The following SRGAP2B variants were observed in gnomAD, a reference collection of about 807,000 sequenced individuals.
The protein encoded by SRGAP2B is SLIT-ROBO Rho GTPase activating protein 2B.
In SRGAP2B, 9 loss-of-function variants were observed where a neutral mutation model predicts 22.2. That is an observed-to-expected ratio of 0.41 (90% CI 0.24 to 0.71). The LOEUF (loss-of-function observed/expected upper bound fraction) is 0.71. SRGAP2B is among the 30% of genes least tolerant of loss of function. The pLI is 0.35. For missense variants in SRGAP2B, 114 were observed against 235.8 expected (o/e 0.48, Z 3.38); for synonymous variants, 36 against 87.4 (o/e 0.41, Z 3.28).
intron 5 of SRGAP2B, among the ~76,000 whole-genome samples, chr1:144,910,140 TAC>T (rs1663312645): frequency 7.0e-6 from 1 of 142,680 alleles, no homozygotes; most frequent in Non-Finnish European, 1.5e-5. Context: ...AATAAAACGA[TAC>T]TGCATCATGA....
intron 2 of SRGAP2B, among the ~76,000 whole-genome samples, chr1:144,997,395 C>G (rs1470789222): frequency 6.6e-6 from 1 of 150,716 alleles, no homozygotes; most frequent in Non-Finnish European, 1.5e-5. Flanking sequence ...CGCACCACTG[C>G]ACTCCAGCCT....
chr1:144,975,832 A>C (rs1406362049), intron 3 of SRGAP2B, among the ~76,000 whole-genome samples: 1 of 142,484 alleles, frequency 7.0e-6, no homozygotes, highest in Non-Finnish European at 1.5e-5. Context: ...AAATCTAGTC[A>C]GTAGTCTTCT....
At chr1:144,931,735 T>TG (rs1378586575) in intron 4 of SRGAP2B, among the ~76,000 whole-genome samples, 1 of 147,416 alleles carries the variant, frequency 6.8e-6, no homozygotes, top group Non-Finnish European at 1.5e-5. Flanking sequence ...ACAGTGCAGA[T>TG]GGAACTCAGC....
At chr1:144,920,510 C>G (rs587766916) in intron 4 of SRGAP2B, among the ~76,000 whole-genome samples, 1 of 150,014 alleles carries the variant, frequency 6.7e-6, no homozygotes, top group African/African-American at 2.5e-5. Context: ...TGGCTTCAAA[C>G]AATCCTCCTG....
intron 2 of SRGAP2B, among the ~76,000 whole-genome samples, chr1:144,997,505 T>A (rs1344640844): frequency 6.7e-6 from 1 of 149,706 alleles, no homozygotes; most frequent in Non-Finnish European, 1.5e-5. Flanking sequence ...CAGTAACAGA[T>A]GTACAGGGGA....
chr1:144,976,265 G>A (rs1387239112), intron 3 of SRGAP2B, among the ~76,000 whole-genome samples: 1 of 145,956 alleles, frequency 6.9e-6, no homozygotes, highest in Non-Finnish European at 1.5e-5. Context: ...ATAGGAACCA[G>A]GTTTCTCACT....
chr1:144,953,653 G>A (rs1490111653), intron 4 of SRGAP2B, among the ~76,000 whole-genome samples: 1 of 151,644 alleles, frequency 6.6e-6, no homozygotes, highest in Non-Finnish European at 1.5e-5. Context: ...ATATGCATAG[G>A]GCACTTGAAG....
intron 5 of SRGAP2B, among the ~76,000 whole-genome samples, chr1:144,911,776 C>T (rs1214472348): frequency 1.4e-5 from 2 of 146,830 alleles, no homozygotes; most frequent in Non-Finnish European, 3.0e-5. Context: ...CACCACCATG[C>T]CCGGCTAGTT....
At position 145,090,333 on chromosome 1, in the gene SRGAP2B, C is replaced by CA. The variant is rs1324158055; in HGVS notation, c.67+2501dup. On this transcript the variant is annotated intron_variant, in intron 2 of 9. Transcript: ENST00000612199. ...ACAGCTGTATGGCCAATCGCCAGAACACACAGCAAGCACTCAATAAATAGT... is the reference window on the plus strand; with the variant it reads ...ACAGCTGTATGGCCAATCGCCAGAACAACACAGCAAGCACTCAATAAATAGT... 1.4e-5 allele frequency among the ~76,000 whole-genome samples: 2 copies of CA among 145,662 alleles called. 1 individual carries two copies. The highest frequency in any genetic ancestry group is 3.0e-5 in the Non-Finnish European group (2 of 66,946).
chr1:144,947,645 A>G (rs2101900743), intron 4 of SRGAP2B, among the ~76,000 whole-genome samples: 1 of 133,924 alleles, frequency 7.5e-6, no homozygotes, highest in Non-Finnish European at 1.6e-5. Flanking sequence ...CACCAGATTT[A>G]TTTATCTGAA....
At chr1:145,036,348 C>T (rs1395221565) in intron 2 of SRGAP2B, among the ~76,000 whole-genome samples, 1 of 146,492 alleles carries the variant, frequency 6.8e-6, no homozygotes, top group Non-Finnish European at 1.5e-5. Flanking sequence ...AGGCAGCCCT[C>T]GATTTACTGC....
In SRGAP2B at chr1:144,970,218, T is replaced by C. The variant is rs587603113; in HGVS notation, c.261-14617A>G. Among the ~76,000 whole-genome samples, 44 of 134,544 alleles carry C rather than the reference T, an allele frequency of 3.3e-4. 1 individual carries two copies. Among genetic ancestry groups the C allele is most frequent in the African/African-American group, 1.0e-3 (33 of 32,918 alleles). The allele number at this position is 134,544 out of a possible 152,430, so 88.3% of individuals were successfully genotyped here. On this transcript the variant is annotated intron_variant, in intron 3 of 9. Transcript: ENST00000612199. ...CACACGTATGTTTATTGCGGCATTATTCACAATAGCAAAGACTTGGAACCA... is the reference window on the plus strand; with the variant it reads ...CACACGTATGTTTATTGCGGCATTACTCACAATAGCAAAGACTTGGAACCA...
chr1:145,044,649 C>T (rs1553628246), intron 2 of SRGAP2B, among the ~76,000 whole-genome samples: 5 of 53,666 alleles, frequency 9.3e-5, no homozygotes, highest in Non-Finnish European at 1.6e-4. Flanking sequence ...GAACCCCCTC[C>T]TAAAAAAAAA....
rs587696301 is a variant in SRGAP2B, at chr1:145,008,900, G to A, written c.68-13700C>T. Among the ~76,000 whole-genome samples the A allele has an allele frequency of 3.1e-4, 46 of 150,106 alleles. 1 individual carries two copies. In the South Asian group the frequency reaches 4.6e-3, roughly 15 times the overall value. ...AAAAAAAAACAGTCCAGCTGGGCGCGGTGGCTCACGCCTATAATCCCAGGA... is the reference window on the plus strand; with the variant it reads ...AAAAAAAAACAGTCCAGCTGGGCGCAGTGGCTCACGCCTATAATCCCAGGA... On this transcript the variant is annotated intron_variant, in intron 2 of 9. Transcript: ENST00000612199.
intron 5 of SRGAP2B, among the ~76,000 whole-genome samples, chr1:144,911,425 T>C (rs1248110152): frequency 6.7e-6 from 1 of 150,274 alleles, no homozygotes; most frequent in Admixed American, 6.6e-5. Flanking sequence ...CACTCTCCCA[T>C]GCAAGGTGAC....
chr1:144,956,078 G>T (rs1464382828), intron 3 of SRGAP2B, among the ~76,000 whole-genome samples: 1 of 149,752 alleles, frequency 6.7e-6, no homozygotes, highest in Non-Finnish European at 1.5e-5. Context: ...GGCTAGACCA[G>T]GTCTAAGGTG....
chr1:145,022,314 A>C (rs1647243037), intron 2 of SRGAP2B, among the ~76,000 whole-genome samples: 4 of 72,722 alleles, frequency 5.5e-5, no homozygotes, highest in African/African-American at 1.3e-4. Flanking sequence ...CCTCAACTCC[A>C]CCCCCTACCC....
In SRGAP2B at chr1:145,081,117, G is replaced by A. The variant is rs1214668013; in HGVS notation, c.67+11718C>T. ...TCTTTCATTTCAGCTTCACACCAGT[G>A]TTAAGTCAGCTTAGGTTCATAATCT... On this transcript the variant is annotated intron_variant, in intron 2 of 9. Coordinates refer to ENST00000612199, the Ensembl canonical transcript of SRGAP2B. Among the ~76,000 whole-genome samples, 6 of 149,608 alleles carry A rather than the reference G, an allele frequency of 4.0e-5. 1 individual carries two copies. The highest frequency in any genetic ancestry group is 5.9e-5 in the Non-Finnish European group (4 of 67,766).
At chr1:144,983,885 C>T (rs1246432013) in intron 3 of SRGAP2B, among the ~76,000 whole-genome samples, 5 of 150,454 alleles carry the variant, frequency 3.3e-5, no homozygotes, top group African/African-American at 1.2e-4. Flanking sequence ...CTCTTTAGCC[C>T]TGCATACAGC....
Sources: allele counts gnomAD v4.1 joint callset (sites outside exome capture counted in the v4.1 genomes callset), GRCh38; gene constraint gnomAD v4.1.1; transcripts MANE v1.5; gene names NCBI Gene and HGNC (gene_info 2026-07-23, HGNC 2026-07-21).